Variants in SMYD3 observed in about 807,000 individuals in gnomAD.
SMYD3 encodes SET and MYND domain containing 3.
A neutral mutation model predicts 57.7 loss-of-function variants in SMYD3; 36 were observed. The ratio of observed to expected loss-of-function variants is 0.62; its 90% CI spans 0.48 to 0.82. SMYD3 has a LOEUF of 0.82. Among genes scored for constraint, SMYD3 ranks in the 40% least tolerant of loss-of-function variants. The pLI is 0.00. For synonymous variants in SMYD3, 211 were observed against 195.0 expected (o/e 1.08, Z -0.68); for missense variants, 515 against 538.8 (o/e 0.96, Z 0.44).
rs529860319 is a variant in SMYD3 at position 246,387,273 on chromosome 1, A to T, written c.165-32179T>A. On this transcript the variant is annotated intron_variant, in intron 1 of 11. Transcript: ENST00000490107. Reference sequence around the variant, plus strand: ...ACTTAATATTTATAATATTTAGAGGACAACTTAGTTAACTTTTCTAGCTTC... The same window carrying T: ...ACTTAATATTTATAATATTTAGAGGTCAACTTAGTTAACTTTTCTAGCTTC... 2.1e-4 allele frequency among the ~76,000 whole-genome samples: 32 copies of T among 152,344 alleles called. No individual in the cohort carries two copies. In the East Asian group the frequency reaches 4.4e-3, roughly 21 times the overall value.
intron 1 of SMYD3, among the ~76,000 whole-genome samples, chr1:246,413,654 C>T (rs948270243): frequency 6.6e-5 from 10 of 152,036 alleles, no homozygotes; most frequent in African/African-American, 2.2e-4. Context: ...TGCCCCACCC[C>T]CACACACTAG....
intron 5 of SMYD3, among the ~76,000 whole-genome samples, chr1:246,155,859 G>A (rs921577568): frequency 3.3e-5 from 5 of 152,062 alleles, no homozygotes; most frequent in Admixed American, 6.6e-5. Context: ...GTGGTGGCAC[G>A]CACCTGTAGT....
intron 5 of SMYD3, among the ~76,000 whole-genome samples, chr1:246,138,186 T>G (rs1431851962): frequency 1.3e-5 from 2 of 152,088 alleles, no homozygotes; most frequent in African/African-American, 4.8e-5. Flanking sequence ...CTGTGCACAG[T>G]CCTCCTCTGT....
At chr1:246,004,871 G>A (rs778552726) in intron 5 of SMYD3, among the ~76,000 whole-genome samples, 65 of 152,038 alleles carry the variant, frequency 4.3e-4, no homozygotes, top group Non-Finnish European at 2.4e-4. Flanking sequence ...TTGAGACAGC[G>A]TCTCACTCTG....
intron 1 of SMYD3, among the ~76,000 whole-genome samples, chr1:246,370,051 C>T (rs900901021): frequency 6.6e-6 from 1 of 152,178 alleles, no homozygotes; most frequent in Admixed American, 6.5e-5. Flanking sequence ...ATCCGAGAGG[C>T]AGACCAGCTG....
chr1:245,760,096 C>A (rs1478958472), intron 11 of SMYD3, among the ~76,000 whole-genome samples: 1 of 152,188 alleles, frequency 6.6e-6, no homozygotes, highest in Non-Finnish European at 1.5e-5. Flanking sequence ...TTCAGCTGAG[C>A]CCAGTGGAAA....
At chr1:246,180,143 A>C (rs1558293514) in intron 5 of SMYD3, among the ~76,000 whole-genome samples, 1 of 150,440 alleles carries the variant, frequency 6.6e-6, no homozygotes, top group Non-Finnish European at 1.5e-5. Context: ...TCCCATATCT[A>C]ATATATCTAA....
chr1:246,360,202 C>T (rs1412164578), intron 1 of SMYD3, among the ~76,000 whole-genome samples: 1 of 152,098 alleles, frequency 6.6e-6, no homozygotes, highest in Non-Finnish European at 1.5e-5. Flanking sequence ...AGAACTCAAT[C>T]CCTTTTACAA....
At chr1:245,996,887 C>G (rs1572863729) in intron 5 of SMYD3, among the ~76,000 whole-genome samples, 2 of 152,234 alleles carry the variant, frequency 1.3e-5, no homozygotes, top group Admixed American at 1.3e-4. Flanking sequence ...TCCTCCTCTT[C>G]TTTAGCAAGA....
At chr1:246,130,113 T>C (rs767254966) in intron 5 of SMYD3, among the ~76,000 whole-genome samples, 1 of 152,144 alleles carries the variant, frequency 6.6e-6, no homozygotes, top group Non-Finnish European at 1.5e-5. Flanking sequence ...CCACAGCAAG[T>C]CATCAGGAGA....
At chr1:246,062,951 A>C (rs2060278366) in intron 5 of SMYD3, among the ~76,000 whole-genome samples, 1 of 152,198 alleles carries the variant, frequency 6.6e-6, no homozygotes, top group South Asian at 2.1e-4. Context: ...TTACAGCAGA[A>C]TGCATCACTG....
intron 1 of SMYD3, among the ~76,000 whole-genome samples, chr1:246,457,575 A>AAAAG: frequency 6.8e-6 from 1 of 148,106 alleles, no homozygotes; most frequent in Non-Finnish European, 1.5e-5. Flanking sequence ...AAAAGAAAAG[A>AAAAG]AAAAGAAAAA....
At chr1:246,481,910 A>C (rs2068115729) in intron 1 of SMYD3, among the ~76,000 whole-genome samples, 1 of 151,816 alleles carries the variant, frequency 6.6e-6, no homozygotes, top group African/African-American at 2.4e-5. Context: ...CAATCCCAGC[A>C]CTTTGGGAGG....
At chr1:246,157,081 C>T (rs1181955315) in intron 5 of SMYD3, among the ~76,000 whole-genome samples, 1 of 152,236 alleles carries the variant, frequency 6.6e-6, no homozygotes, top group Non-Finnish European at 1.5e-5. Flanking sequence ...TAGCTTTTTA[C>T]TTAGCGCTTA....
At chr1:246,165,580 C>T (rs747511544) in intron 5 of SMYD3, among the ~76,000 whole-genome samples, 1 of 151,932 alleles carries the variant, frequency 6.6e-6, no homozygotes, top group Non-Finnish European at 1.5e-5. Context: ...TAAAAGTCGT[C>T]GAAACAATCT....
intron 5 of SMYD3, among the ~76,000 whole-genome samples, chr1:246,294,984 G>A (rs2064765197): frequency 6.6e-6 from 1 of 152,146 alleles, no homozygotes; most frequent in Non-Finnish European, 1.5e-5. Flanking sequence ...GAGGTTACAT[G>A]AGATAATACA....
At chr1:246,133,052 A>G (rs1002740757) in intron 5 of SMYD3, among the ~76,000 whole-genome samples, 1 of 152,120 alleles carries the variant, frequency 6.6e-6, no homozygotes, top group Non-Finnish European at 1.5e-5. Flanking sequence ...GAAAGGTGCT[A>G]TAATAAAAAC....
chr1:245,989,732 G>A (rs10924424), intron 5 of SMYD3, among the ~76,000 whole-genome samples: 78,584 of 152,160 alleles, frequency 0.52, 23,731 homozygotes, highest in Middle Eastern at 0.69. Flanking sequence ...CTCCCACAGA[G>A]GATTACAGGC....
intron 5 of SMYD3, 33 bp downstream of exon 5, chr1:246,327,168 A>C: frequency 1.9e-6 from 3 of 1,611,774 alleles, no homozygotes; most frequent in Non-Finnish European, 2.5e-6. Flanking sequence ...TGGTTGATGT[A>C]TGGAATTAGC....
Sources: allele counts gnomAD v4.1 joint callset (sites outside exome capture counted in the v4.1 genomes callset), GRCh38; gene constraint gnomAD v4.1.1; transcripts MANE v1.5; gene names NCBI Gene and HGNC (gene_info 2026-07-23, HGNC 2026-07-21).